Variants in C5 observed in about 807,000 individuals in gnomAD.
The protein encoded by C5 is complement C5.
C5 carries 140 observed loss-of-function variants against 218.8 expected under a neutral mutation model. The ratio of observed to expected loss-of-function variants is 0.64; its 90% CI spans 0.56 to 0.74. The LOEUF (loss-of-function observed/expected upper bound fraction) is 0.74, where lower values mean the gene tolerates loss of function less well. Among genes scored for constraint, C5 ranks in the 30% least tolerant of loss-of-function variants. The pLI is 0.00. For synonymous variants in C5, 614 were observed against 682.3 expected (o/e 0.90, Z 1.56); for missense variants, 1,700 against 1,969.6 (o/e 0.86, Z 2.59).
chr9:121,041,086 G>A (rs1256966894), intron 3 of C5, among the ~76,000 whole-genome samples: 1 of 150,528 alleles, frequency 6.6e-6, no homozygotes, highest in African/African-American at 2.4e-5. Flanking sequence ...TGGAATTACA[G>A]GCGTGCACCA....
chr9:121,065,005 G>A, the C5 span, among the ~76,000 whole-genome samples: 1 of 152,264 alleles, frequency 6.6e-6, no homozygotes. Flanking sequence ...AGGAGGCAGA[G>A]GTTGCAGTAG....
At chr9:121,017,576 G>A in intron 13 of C5, 65 bp from the exon 14 acceptor site, 1 of 1,604,078 alleles carries the variant, frequency 6.2e-7, no homozygotes, top group Non-Finnish European at 8.5e-7. Flanking sequence ...TTCAGAAGCA[G>A]CTAAAACTTT....
At chr9:121,037,407 G>A (rs529525145) in intron 4 of C5, among the ~76,000 whole-genome samples, 42 of 149,332 alleles carry the variant, frequency 2.8e-4, no homozygotes, top group African/African-American at 6.9e-4. Flanking sequence ...TCTGCCTCCC[G>A]GGTTCAAGCA....
Position 121,017,791 on chromosome 9 carries a change from T to C in C5, c.1568A>G (p.Tyr523Cys). 2 of 1,613,918 alleles carry C rather than the reference T, an allele frequency of 1.2e-6. No homozygotes were observed. The highest frequency in any genetic ancestry group is 1.7e-6 in the Non-Finnish European group (2 of 1,179,882). The stretch of plus-strand genomic sequence containing the variant: ...TGTTACTGGAATGTTTATACTTTGA[T>C]AAGATGCATCTGAAAATTTCTCCCT... ...GTREKFSDAS[Y>C]QSINIPVTQN... Residue 523 changes from tyrosine (Y) to cysteine (C), a missense_variant, in exon 13 of 41, where the codon TAT (tyrosine) becomes TGT (cysteine). Tyr to Cys is a radical substitution (Grantham distance 194, BLOSUM62 -2). Transcript: ENST00000223642.
intron 12 of C5, among the ~76,000 whole-genome samples, chr9:121,019,109 G>A (rs936860498): frequency 1.3e-5 from 2 of 151,688 alleles, no homozygotes; most frequent in Non-Finnish European, 2.9e-5. Context: ...TTTAAAGCCA[G>A]GGTTTAGATT....
intron 17 of C5, among the ~76,000 whole-genome samples, chr9:121,013,659 G>A (rs556251401): frequency 6.6e-6 from 1 of 152,254 alleles, no homozygotes; most frequent in Admixed American, 6.5e-5. Context: ...TTAAGGTTAT[G>A]CCAGGTCTTA....
At chr9:121,061,192 A>C in the C5 span, among the ~76,000 whole-genome samples, 1 of 152,086 alleles carries the variant, frequency 6.6e-6, no homozygotes, top group South Asian at 2.1e-4. Flanking sequence ...TGTCTCAAAA[A>C]TAATAATAAA....
At chr9:121,071,765 A>G in the C5 span, among the ~76,000 whole-genome samples, 1 of 152,224 alleles carries the variant, frequency 6.6e-6, no homozygotes, top group Non-Finnish European at 1.5e-5. Flanking sequence ...TGTCTGACAA[A>G]CTAGTCTGTT....
chr9:121,052,705 C>T (rs1394933306), upstream of C5, among the ~76,000 whole-genome samples: 1 of 152,048 alleles, frequency 6.6e-6, no homozygotes, highest in South Asian at 2.1e-4. Context: ...CCTCAACATT[C>T]CATTCTTCAC....
chr9:121,021,796 T>C (rs749141650), intron 10 of C5, 102 bp from the exon 11 acceptor site: 157 of 1,115,172 alleles, frequency 1.4e-4, no homozygotes, highest in Admixed American at 2.5e-4. Context: ...GTATAAATTA[T>C]TTATGTATTT....
chr9:121,024,346 A>G (rs1475461649), intron 9 of C5, among the ~76,000 whole-genome samples: 3 of 1,044 alleles, frequency 2.9e-3, no homozygotes, highest in Non-Finnish European at 4.7e-3. Context: ...GGGGGAGGGG[A>G]GGGAGGGGAG....
the C5 span, among the ~76,000 whole-genome samples, chr9:121,067,794 C>T: frequency 6.6e-6 from 1 of 152,046 alleles, no homozygotes; most frequent in South Asian, 2.1e-4. Context: ...CTTCCCCTCT[C>T]CTCCTGCTGC....
chr9:121,012,606 A>T (rs1383935346), intron 17 of C5, among the ~76,000 whole-genome samples: 2 of 152,240 alleles, frequency 1.3e-5, no homozygotes, highest in Non-Finnish European at 1.5e-5. Flanking sequence ...TTCTACAAAC[A>T]TAAATTTTGT....
rs1382333910 is a variant in C5 at position 120,952,419 on chromosome 9, C to T, written c.*320G>A. ...GCAAAGGCCATGTTTTTGTAATACTCCCTTTCAATGGACTGTTCTTTCGGC... is the reference window on the plus strand; with the variant it reads ...GCAAAGGCCATGTTTTTGTAATACTTCCTTTCAATGGACTGTTCTTTCGGC... On this transcript the variant is annotated 3_prime_UTR_variant, in exon 41 of 41. Coordinates refer to ENST00000223642, the MANE Select transcript of C5 (RefSeq NM_001735.3). 3.0e-6 allele frequency: 1 copy of T among 327,922 alleles called. No homozygotes were observed. Among genetic ancestry groups the T allele is most frequent in the African/African-American group, 2.2e-5 (1 of 46,492 alleles). The allele number at this position is 327,922 out of a possible 1,614,324, so 20.3% of individuals were successfully genotyped here. A position where few individuals can be genotyped will look rare whatever the true frequency, so the allele number is the denominator to read the frequency against.
chr9:120,958,918 T>C (rs1021817582), intron 38 of C5, among the ~76,000 whole-genome samples: 12 of 152,114 alleles, frequency 7.9e-5, no homozygotes, highest in African/African-American at 2.4e-4. Flanking sequence ...CCCAAGTAGC[T>C]AGGACTACAG....
At chr9:121,035,311 C>T (rs2047514851) in intron 4 of C5, among the ~76,000 whole-genome samples, 2 of 152,140 alleles carry the variant, frequency 1.3e-5, no homozygotes, top group Admixed American at 1.3e-4. Context: ...CTTTCAAAAG[C>T]AAATATTCTA....
At chr9:121,074,222 C>T in the C5 span, among the ~76,000 whole-genome samples, 3 of 152,090 alleles carry the variant, frequency 2.0e-5, no homozygotes, top group African/African-American at 4.8e-5. Flanking sequence ...GGTGATAACA[C>T]TTTAAAAAAA....
chr9:120,977,194 C>T (rs1489992907), intron 28 of C5, among the ~76,000 whole-genome samples: 1 of 152,112 alleles, frequency 6.6e-6, no homozygotes, highest in African/African-American at 2.4e-5. Flanking sequence ...CACCCCTGAC[C>T]TCATGTGATG....
rs150812805 is a variant in C5 at position 120,972,212 on chromosome 9, C to A, written c.4018-220G>T. Among the ~76,000 whole-genome samples, 61 of 152,302 alleles carry A rather than the reference C, an allele frequency of 4.0e-4. No homozygotes were observed. In the East Asian group the frequency reaches 9.2e-3, roughly 23 times the overall value. On this transcript the variant is annotated intron_variant, in intron 30 of 40. Transcript: ENST00000223642. ...TACATGTAAATAAGATGTCTGAGAT[C>A]TCCTGAGTGAACCAACAAAAGCAAC...
Sources: gnomAD v4.1 joint callset for allele counts (sites outside exome capture counted in the v4.1 genomes callset) on GRCh38, gnomAD v4.1.1 for gene constraint, MANE v1.5 for transcripts, NCBI Gene and HGNC (gene_info 2026-07-23, HGNC 2026-07-21) for gene names.